Variants in OLFM1 observed in about 807,000 individuals in gnomAD.
The protein encoded by OLFM1 is olfactomedin 1.
OLFM1 carries 9 observed loss-of-function variants against 49.7 expected under a neutral mutation model. The ratio of observed to expected loss-of-function variants is 0.18; its 90% CI spans 0.11 to 0.32. The LOEUF (loss-of-function observed/expected upper bound fraction) is 0.32. Ranked by LOEUF, OLFM1 falls within the 10% of genes least tolerant of loss-of-function variation. OLFM1 has a pLI of 1.00. For missense variants in OLFM1, 369 were observed against 661.8 expected (o/e 0.56, Z 4.85); for synonymous variants, 240 against 271.8 (o/e 0.88, Z 1.15).
At chr9:135,110,907 C>T (rs1029127834) in intron 5 of OLFM1, among the ~76,000 whole-genome samples, 6 of 152,258 alleles carry the variant, frequency 3.9e-5, no homozygotes, top group African/African-American at 1.2e-4. Flanking sequence ...GCCCAAGTCC[C>T]TACGCCAAGA....
At chr9:135,116,495 G>T (rs1831097926) in intron 5 of OLFM1, among the ~76,000 whole-genome samples, 1 of 152,078 alleles carries the variant, frequency 6.6e-6, no homozygotes, top group Admixed American at 6.5e-5. Flanking sequence ...CCCATGGGAA[G>T]GAGGCTCTGG....
Position 135,113,061 on chromosome 9 carries a change from C to G in OLFM1, c.783+6206C>G, listed in dbSNP as rs1449415218. 6.6e-6 allele frequency among the ~76,000 whole-genome samples: 1 copy of G among 152,128 alleles called. No homozygotes were observed. Among genetic ancestry groups the G allele is most frequent in the Non-Finnish European group, 1.5e-5 (1 of 68,012 alleles). On this transcript the variant is annotated intron_variant, in intron 5 of 5. Transcript: ENST00000371793. This position sits in a 1 kb window ranked among gnomAD's most constrained non-coding sequence, Gnocchi z 4.0. ...GATGTGCTGTGTGCAAGATCCAGAC[C>G]AGCGTGCACGCTTCCTAATGCACAG...
chr9:135,100,918 A>ATGAT (rs35306672), intron 4 of OLFM1, among the ~76,000 whole-genome samples: 1,583 of 151,292 alleles, frequency 0.01, 18 homozygotes, highest in South Asian at 0.022. Flanking sequence ...AGATAGATAA[A>ATGAT]TGATTGATTG....
chr9:135,083,384 C>T (rs1296596411), upstream of OLFM1, among the ~76,000 whole-genome samples: 1 of 152,054 alleles, frequency 6.6e-6, no homozygotes, highest in African/African-American at 2.4e-5. Context: ...GCGGAGGGTG[C>T]ATGAAGGGTC....
Position 135,091,673 on chromosome 9 carries a change from ACT to A in OLFM1, c.300+1331_300+1332del, listed in dbSNP as rs1491118167. ...CATAGTCACACACACACAGTCACAC[ACT>A]CACACATAGTCTCACACACACACAG... On this transcript the variant is annotated intron_variant, in intron 2 of 5. Transcript: ENST00000371793. Among the ~76,000 whole-genome samples, 7 of 1,858 alleles carry A rather than the reference ACT, an allele frequency of 3.8e-3. 1 individual carries two copies. Among genetic ancestry groups the A allele is most frequent in the East Asian group, 0.038 (1 of 26 alleles). The allele number at this position is 1,858 out of a possible 152,430, so 1.2% of individuals were successfully genotyped here.
At position 135,120,186 on chromosome 9, in the gene OLFM1, C is replaced by T. The variant is rs1243149694; in HGVS notation, c.*8C>T. The T allele has an allele frequency of 6.3e-7, 1 of 1,598,372 alleles. No homozygotes were observed. Among genetic ancestry groups the T allele is most frequent in the Non-Finnish European group, 8.5e-7 (1 of 1,171,968 alleles). On this transcript the variant is annotated 3_prime_UTR_variant, in exon 6 of 6. Transcript: ENST00000371793. ...CGCTCCGACGAGTTGTAGCTCCCTCCTCCTGGAAGCCAAGGGCCCACGTCC... is the reference window on the plus strand; with the variant it reads ...CGCTCCGACGAGTTGTAGCTCCCTCTTCCTGGAAGCCAAGGGCCCACGTCC...
In OLFM1 at chr9:135,117,780, A is replaced by G. The variant is rs1254355173; in HGVS notation, c.784-1724A>G. Among the ~76,000 whole-genome samples, 10 of 152,188 alleles carry G rather than the reference A, an allele frequency of 6.6e-5. No homozygotes were observed. Among genetic ancestry groups the G allele is most frequent in the Admixed American group, 6.5e-4 (10 of 15,288 alleles). Reference sequence around the variant, plus strand: ...GGCAGGATTAGGGGCGAATGGCTGCACGTATACGCCTGTGTGCTCCCATCC... The same window carrying G: ...GGCAGGATTAGGGGCGAATGGCTGCGCGTATACGCCTGTGTGCTCCCATCC... On this transcript the variant is annotated intron_variant, in intron 5 of 5. Transcript: ENST00000371793. This position sits in a 1 kb window ranked among gnomAD's most constrained non-coding sequence, Gnocchi z 5.5.
At position 135,096,033 on chromosome 9, in the gene OLFM1, T is replaced by C; in HGVS notation, c.456+14T>C. On this transcript the variant is annotated intron_variant, in intron 3 of 5. Coordinates refer to ENST00000371793, the MANE Select transcript of OLFM1 (RefSeq NM_001282611.2). ...AGGCAGTTTAAGGTATGCATGTTCCTCCCCCTCTCCCTCCCCTTATCCTCC... is the reference window on the plus strand; with the variant it reads ...AGGCAGTTTAAGGTATGCATGTTCCCCCCCCTCTCCCTCCCCTTATCCTCC... 9.8e-7 allele frequency: 1 copy of C among 1,020,014 alleles called. No homozygotes were observed. The highest frequency in any genetic ancestry group is 1.3e-6 in the Non-Finnish European group (1 of 792,140). 63.2% of individuals were successfully genotyped at this position (1,020,014 alleles called of 1,614,324 possible).
rs748481674 is a variant in OLFM1, at chr9:135,088,130, C to G, written c.141C>G (p.Arg47=). ...CGGCCGGCGGCGGGACGCTGGACCG[C>G]AGCACCGGCGTAAGTGCGCCCGCCG... The part of the protein sequence containing the change: ...LSAAGGGTLD[R]STGVLPTNPE... The change falls in exon 1 of 6, where the codon CGC becomes CGG. Residue 47 remains arginine (R), a synonymous_variant. Transcript: ENST00000371793. This position sits in a 1 kb window ranked among gnomAD's most constrained non-coding sequence, Gnocchi z 4.8. The G allele has an allele frequency of 7.2e-7, 1 of 1,380,862 alleles. No homozygotes were observed. The highest frequency in any genetic ancestry group is 1.6e-5 in the South Asian group (1 of 61,720). The allele number at this position is 1,380,862 out of a possible 1,614,324, so 85.5% of individuals were successfully genotyped here.
chr9:135,106,650 C>T (rs370901119), intron 4 of OLFM1, 99 bp from the exon 5 acceptor site: 8 of 838,988 alleles, frequency 9.5e-6, no homozygotes, highest in South Asian at 6.4e-5. Flanking sequence ...GAGGAGAAGC[C>T]GCCACATGGC....
Position 135,120,229 on chromosome 9 carries a change from C to T in OLFM1, c.*51C>T. On this transcript the variant is annotated 3_prime_UTR_variant, in exon 6 of 6. Coordinates refer to ENST00000371793, the MANE Select transcript of OLFM1 (RefSeq NM_001282611.2). ...CCACGTCCTCACCACAAAGGGACTC[C>T]TGTGAAACTGCTGCCAAAAAGATAC... The T allele has an allele frequency of 6.8e-7, 1 of 1,465,848 alleles. No individual in the cohort carries two copies. Among genetic ancestry groups the T allele is most frequent in the Non-Finnish European group, 9.2e-7 (1 of 1,081,322 alleles). 90.8% of individuals were successfully genotyped at this position (1,465,848 alleles called of 1,614,324 possible).
chr9:135,075,641 C>CG, exon 1 of OLFM1: 1 of 1,184,046 alleles, frequency 8.4e-7, no homozygotes, highest in Non-Finnish European at 1.1e-6. Flanking sequence ...CCAGCGGAGC[C>CG]GGGGCCAGAG....
intron 5 of OLFM1, among the ~76,000 whole-genome samples, chr9:135,118,261 AC>A (rs1452652272): frequency 6.9e-6 from 1 of 144,496 alleles, no homozygotes; most frequent in Admixed American, 6.8e-5. Context: ...TCTTTGGAGT[AC>A]TCACTGGGTC....
intron 5 of OLFM1, among the ~76,000 whole-genome samples, chr9:135,110,831 G>C (rs1306804309): frequency 6.6e-6 from 1 of 152,220 alleles, no homozygotes; most frequent in Non-Finnish European, 1.5e-5. Flanking sequence ...GCTCCTTGAT[G>C]TTAGGAATTC....
At chr9:135,087,061 G>A (rs941924789), upstream of OLFM1, among the ~76,000 whole-genome samples, 10 of 152,242 alleles carry the variant, frequency 6.6e-5, no homozygotes, top group Non-Finnish European at 1.2e-4. Flanking sequence ...GCAGGTGTCA[G>A]GAGTGCCGGT....
chr9:135,078,502 A>G (rs1342508146), intron 1 of OLFM1, among the ~76,000 whole-genome samples: 1 of 152,232 alleles, frequency 6.6e-6, no homozygotes, highest in Non-Finnish European at 1.5e-5. Context: ...CCAACCGTTG[A>G]TGGATGGCCT....
chr9:135,093,216 G>A (rs556938070), intron 2 of OLFM1, among the ~76,000 whole-genome samples: 1 of 152,332 alleles, frequency 6.6e-6, no homozygotes, highest in East Asian at 1.9e-4. Flanking sequence ...AGCCTCACCA[G>A]GTAGTTCCAT....
upstream of OLFM1, among the ~76,000 whole-genome samples, chr9:135,084,938 G>A (rs1312156136): frequency 2.6e-5 from 4 of 152,276 alleles, no homozygotes; most frequent in African/African-American, 2.4e-5. The surrounding 1 kb of genome is among the most constrained non-coding windows in gnomAD (Gnocchi z 4.6). Context: ...AGGGCTTCTC[G>A]AGGTGATTCC....
intron 2 of OLFM1, 108 bp downstream of exon 2, chr9:135,090,452 C>A: frequency 8.5e-7 from 1 of 1,175,400 alleles, no homozygotes; most frequent in Non-Finnish European, 1.2e-6. Flanking sequence ...GGCTAGCTTG[C>A]AGGCCCCATT....
Sources: allele counts gnomAD v4.1 joint callset (sites outside exome capture counted in the v4.1 genomes callset), GRCh38; gene constraint gnomAD v4.1.1; non-coding constraint Gnocchi (gnomAD v3.1); transcripts MANE v1.5; gene names NCBI Gene and HGNC (gene_info 2026-07-23, HGNC 2026-07-21).